The following DIAPH3 variants were observed in gnomAD, a reference collection of about 807,000 sequenced individuals.
DIAPH3 encodes the protein protein diaphanous homolog 3.
In DIAPH3, 117 loss-of-function variants were observed where a neutral mutation model predicts 144.3. The observed-to-expected ratio is 0.81, with a 90% CI of 0.70 to 0.95. The LOEUF (loss-of-function observed/expected upper bound fraction) is 0.95. DIAPH3 is among the 40% of genes least tolerant of loss of function. The pLI is 0.00. For synonymous variants in DIAPH3, 519 were observed against 488.9 expected (o/e 1.06, Z -0.81); for missense variants, 1,421 against 1,412.7 (o/e 1.01, Z -0.09).
intron 18 of DIAPH3, among the ~76,000 whole-genome samples, chr13:59,916,758 T>C (rs1416921172): frequency 6.6e-6 from 1 of 152,166 alleles, no homozygotes; most frequent in Non-Finnish European, 1.5e-5. Context: ...AGCACTTCAC[T>C]ATTCAGAAAC....
intron 19 of DIAPH3, among the ~76,000 whole-genome samples, chr13:59,915,731 C>A (rs1257672411): frequency 6.6e-6 from 1 of 152,024 alleles, no homozygotes; most frequent in Non-Finnish European, 1.5e-5. Flanking sequence ...CCAAATGACT[C>A]TAAGAAGAAT....
intron 3 of DIAPH3, among the ~76,000 whole-genome samples, chr13:60,098,830 T>G (rs1288123181): frequency 6.6e-6 from 1 of 152,188 alleles, no homozygotes; most frequent in Admixed American, 6.5e-5. Context: ...TGCTGATATA[T>G]GTACGTATCT....
At chr13:59,749,059 A>G (rs1261066264) in intron 27 of DIAPH3, among the ~76,000 whole-genome samples, 1 of 151,372 alleles carries the variant, frequency 6.6e-6, no homozygotes, top group Non-Finnish European at 1.5e-5. Context: ...ACTGAGAGTG[A>G]GATAGTTAGC....
intron 4 of DIAPH3, among the ~76,000 whole-genome samples, chr13:60,077,823 C>T (rs1033366338): frequency 6.6e-6 from 1 of 152,060 alleles, no homozygotes; most frequent in Non-Finnish European, 1.5e-5. Context: ...GGATCTTAGT[C>T]TAAATATACG....
chr13:59,812,254 A>ATCCG (rs2040521088), intron 24 of DIAPH3, among the ~76,000 whole-genome samples: 1 of 7,056 alleles, frequency 1.4e-4, no homozygotes, highest in Non-Finnish European at 9.4e-4. Flanking sequence ...GCATGCATCC[A>ATCCG]TCCATCCATC....
intron 24 of DIAPH3, among the ~76,000 whole-genome samples, chr13:59,828,781 T>G (rs2041607159): frequency 6.6e-6 from 1 of 151,800 alleles, no homozygotes; most frequent in African/African-American, 2.4e-5. Flanking sequence ...TAAAGAAAAT[T>G]ACAATGCAAA....
In DIAPH3 at chr13:59,774,009, CAAT is replaced by C. The variant is rs34218764; in HGVS notation, c.3319+177_3319+179del. On this transcript the variant is annotated intron_variant, in intron 27 of 27. Coordinates refer to ENST00000400324, the MANE Select transcript of DIAPH3 (RefSeq NM_001042517.2). The stretch of plus-strand genomic sequence containing the variant: ...AAGAACCTAAGACACAACCTCAAGG[CAAT>C]AATATAAGGATGAAAAATACGAGTA... 409,955 of 600,558 alleles carry C rather than the reference CAAT, an allele frequency of 0.68. 141,236 individuals carry two copies. Among genetic ancestry groups the C allele is most frequent in the East Asian group, 0.72 (24,752 of 34,280 alleles). The allele number at this position is 600,558 out of a possible 1,614,324, so 37.2% of individuals were successfully genotyped here.
At chr13:60,005,881 A>T (rs1156463841) in intron 9 of DIAPH3, among the ~76,000 whole-genome samples, 1 of 152,210 alleles carries the variant, frequency 6.6e-6, no homozygotes, top group Non-Finnish European at 1.5e-5. Flanking sequence ...AACTTTATAT[A>T]AACAGAATTC....
chr13:59,685,067 A>T (rs537225465), intron 27 of DIAPH3, among the ~76,000 whole-genome samples: 1 of 152,260 alleles, frequency 6.6e-6, no homozygotes, highest in South Asian at 2.1e-4. Context: ...CTTAATATGA[A>T]GTTTGAGGAT....
At chr13:59,867,313 C>T (rs902282807) in intron 21 of DIAPH3, among the ~76,000 whole-genome samples, 3 of 150,686 alleles carry the variant, frequency 2.0e-5, no homozygotes, top group Non-Finnish European at 4.4e-5. Context: ...AACAACAAAA[C>T]AAAACAAGCC....
chr13:59,886,517 A>G (rs1016580516), intron 20 of DIAPH3, among the ~76,000 whole-genome samples: 1 of 152,050 alleles, frequency 6.6e-6, no homozygotes, highest in African/African-American at 2.4e-5. Context: ...TGAGATTTTG[A>G]TTGGGAATGT....
chr13:59,744,965 C>T (rs144916128), intron 27 of DIAPH3, among the ~76,000 whole-genome samples: 74 of 152,210 alleles, frequency 4.9e-4, no homozygotes, highest in African/African-American at 1.7e-3. Context: ...TGGCCTCACC[C>T]CTTATAGGTC....
chr13:60,013,507 C>T (rs1190351243), intron 7 of DIAPH3: 1 of 152,170 alleles, frequency 6.6e-6, no homozygotes, highest in Non-Finnish European at 1.5e-5. Flanking sequence ...TTCTAATTAC[C>T]TTTCAATTTG....
At chr13:60,031,096 T>C (rs905852860) in intron 5 of DIAPH3, among the ~76,000 whole-genome samples, 2 of 152,106 alleles carry the variant, frequency 1.3e-5, no homozygotes. Context: ...GTTCTGCAGG[T>C]TGTACAGGAG....
intron 10 of DIAPH3, 94 bp from the exon 11 acceptor site, chr13:59,992,280 T>C (rs935559931): frequency 3.6e-5 from 41 of 1,140,778 alleles, no homozygotes; most frequent in African/African-American, 4.7e-5. Context: ...ACCATTCAAC[T>C]TGATTTATAG....
At chr13:59,995,364 G>A (rs762866375) in intron 9 of DIAPH3, among the ~76,000 whole-genome samples, 7 of 151,788 alleles carry the variant, frequency 4.6e-5, no homozygotes, top group Non-Finnish European at 8.8e-5. Context: ...TACAGAAATC[G>A]TTATGATACA....
At chr13:59,991,942 T>C in intron 11 of DIAPH3, 126 bp downstream of exon 11, 2 of 760,224 alleles carry the variant, frequency 2.6e-6, no homozygotes. Context: ...ATAACATTCT[T>C]CTGATGCATG....
At chr13:59,677,528 A>AT (rs1445468002) in intron 27 of DIAPH3, among the ~76,000 whole-genome samples, 5 of 152,026 alleles carry the variant, frequency 3.3e-5, no homozygotes, top group Admixed American at 1.3e-4. Flanking sequence ...TATCTTTGGC[A>AT]TTTTTTTGTA....
intron 22 of DIAPH3, among the ~76,000 whole-genome samples, chr13:59,845,007 T>A (rs1431173765): frequency 6.6e-6 from 1 of 151,430 alleles, no homozygotes; most frequent in Non-Finnish European, 1.5e-5. Context: ...ACACCTTTTT[T>A]TCTTTCTCTT....
Sources: allele counts gnomAD v4.1 joint callset (sites outside exome capture counted in the v4.1 genomes callset), GRCh38; gene constraint gnomAD v4.1.1; transcripts MANE v1.5; gene names NCBI Gene and HGNC (gene_info 2026-07-23, HGNC 2026-07-21).